PIEZO2: variants seen among roughly 807,000 people sequenced by gnomAD.
PIEZO2 encodes piezo-type mechanosensitive ion channel component 2.
A neutral mutation model predicts 337.3 loss-of-function variants in PIEZO2; 172 were observed. That is an observed-to-expected ratio of 0.51 (90% CI 0.45 to 0.58). The LOEUF (loss-of-function observed/expected upper bound fraction) is 0.58. Among genes scored for constraint, PIEZO2 ranks in the 20% least tolerant of loss-of-function variants. The probability of loss-of-function intolerance (pLI) is 0.00; values close to 1 mark genes in which losing one functional copy is unlikely to be tolerated. For missense variants in PIEZO2, 3,028 were observed against 3,391.3 expected, an observed-to-expected ratio of 0.89 and a Z score of 2.66; for synonymous variants, 1,251 against 1,228.5, an observed-to-expected ratio of 1.02 and a Z score of -0.38.
At chr18:10,679,589 TA>T (rs757047543) in intron 52 of PIEZO2, among the ~76,000 whole-genome samples, 8 of 152,252 alleles carry the variant, frequency 5.3e-5, no homozygotes, top group Non-Finnish European at 5.9e-5. Context: ...CCTTCATTTC[TA>T]GTGTTTATGT....
intron 2 of PIEZO2, among the ~76,000 whole-genome samples, chr18:11,041,966 C>T (rs555440208): frequency 6.6e-6 from 1 of 152,298 alleles, no homozygotes; most frequent in South Asian, 2.1e-4. Flanking sequence ...GTCTAGATGA[C>T]CATCTTCTCT....
chr18:10,881,429 T>C (rs1298071095), intron 4 of PIEZO2, among the ~76,000 whole-genome samples: 1 of 152,234 alleles, frequency 6.6e-6, no homozygotes, highest in Non-Finnish European at 1.5e-5. Context: ...CCTAACTCCC[T>C]GGCCTTGGCG....
chr18:11,093,148 A>G (rs1283185294), intron 1 of PIEZO2, among the ~76,000 whole-genome samples: 2 of 152,170 alleles, frequency 1.3e-5, no homozygotes, highest in South Asian at 2.1e-4. Context: ...TTAGCTAAAA[A>G]CAGTACCTTT....
In PIEZO2 at chr18:11,048,321, T is replaced by C. The variant is rs1248876387; in HGVS notation, c.160+17806A>G. 1.3e-5 allele frequency among the ~76,000 whole-genome samples: 2 copies of C among 152,200 alleles called. No homozygotes were observed. Among genetic ancestry groups the C allele is most frequent in the Non-Finnish European group, 2.9e-5 (2 of 68,026 alleles). On this transcript the variant is annotated intron_variant, in intron 2 of 55. Transcript: ENST00000674853. This position sits in a 1 kb window ranked among gnomAD's most constrained non-coding sequence, Gnocchi z 4.5. The stretch of plus-strand genomic sequence containing the variant: ...CCCACAAGATTGAAAAGACCTGTCT[T>C]ACGGTTACTCATGGCTCTGGGGCCA...
intron 2 of PIEZO2, among the ~76,000 whole-genome samples, chr18:10,987,215 A>T (rs145101912): frequency 3.9e-5 from 6 of 152,230 alleles, no homozygotes; most frequent in African/African-American, 1.4e-4. Context: ...TTATCTTAAC[A>T]TATGTATGGA....
Position 10,727,455 on chromosome 18 carries a change from T to C in PIEZO2, c.5029+3952A>G, listed in dbSNP as rs566930. ...ACTACCTGGGGTAGTAGAGACCCAG[T>C]TGGTCTGGGGTGTGCTTTCCAACAT... On this transcript the variant is annotated intron_variant, in intron 36 of 55. Transcript: ENST00000674853. This position sits in a 1 kb window ranked among gnomAD's most constrained non-coding sequence, Gnocchi z 6.3. The C allele has an allele frequency of 0.84, 127,429 of 152,472 alleles. 53,830 individuals carry two copies. Among genetic ancestry groups the C allele is most frequent in the African/African-American group, 0.96 (39,770 of 41,416 alleles). 9.4% of individuals were successfully genotyped at this position (152,472 alleles called of 1,614,324 possible). A position where few individuals can be genotyped will look rare whatever the true frequency, so the allele number is the denominator to read the frequency against.
rs2035578419 is a variant in PIEZO2 at position 10,706,187 on chromosome 18, C to T, written c.5589-441G>A. 2.6e-5 allele frequency among the ~76,000 whole-genome samples: 4 copies of T among 152,238 alleles called. No individual in the cohort carries two copies. In the South Asian group the frequency reaches 8.3e-4, roughly 32 times the overall value. On this transcript the variant is annotated intron_variant, in intron 40 of 55. Coordinates refer to ENST00000674853, the MANE Select transcript of PIEZO2 (RefSeq NM_001378183.1). ...TAAGTCTTAGCAAATAGGTATTCTA[C>T]CCTCCATCCTACACAACAGACCCAC...
intron 2 of PIEZO2, among the ~76,000 whole-genome samples, chr18:11,055,313 G>A (rs2037689801): frequency 6.6e-6 from 1 of 151,804 alleles, no homozygotes; most frequent in Non-Finnish European, 1.5e-5. Flanking sequence ...TAAAAGAGCT[G>A]AGTGGCAGGG....
intron 3 of PIEZO2, among the ~76,000 whole-genome samples, chr18:10,930,402 T>A (rs1442018894): frequency 6.6e-6 from 1 of 152,210 alleles, no homozygotes; most frequent in African/African-American, 2.4e-5. Context: ...CAATTGCCAA[T>A]CAGGAAATCT....
chr18:11,018,998 GA>G (rs2036219909), intron 2 of PIEZO2, among the ~76,000 whole-genome samples: 1 of 152,070 alleles, frequency 6.6e-6, no homozygotes, highest in Non-Finnish European at 1.5e-5. Flanking sequence ...CAAAATTCAG[GA>G]CGGAGCCTTG....
intron 1 of PIEZO2, among the ~76,000 whole-genome samples, chr18:11,121,161 AGAACTGCTT>A (rs1198280463): frequency 6.6e-6 from 1 of 152,204 alleles, no homozygotes; most frequent in Non-Finnish European, 1.5e-5. Flanking sequence ...GCTAGGCATG[AGAACTGCTT>A]GAATCCAGGA....
intron 2 of PIEZO2, among the ~76,000 whole-genome samples, chr18:10,985,746 T>C (rs554258778): frequency 6.6e-5 from 10 of 151,942 alleles, no homozygotes; most frequent in East Asian, 1.9e-4. Context: ...ACAAAAGATA[T>C]AAAGGAATCA....
chr18:10,959,212 T>C (rs968852756), intron 3 of PIEZO2, among the ~76,000 whole-genome samples: 4 of 152,208 alleles, frequency 2.6e-5, no homozygotes, highest in Non-Finnish European at 4.4e-5. Flanking sequence ...CATTTGTCTT[T>C]GTATTTGTCT....
rs961507015 is a variant in PIEZO2, at chr18:10,953,559, G to A, written c.286+25976C>T. Among the ~76,000 whole-genome samples the A allele has an allele frequency of 6.6e-6, 1 of 151,990 alleles. No individual in the cohort carries two copies. ...CAAGTGGCCGTGCACATACATGTGG[G>A]TCTATTTCTGTACTCTTTTTTTCCT... is the stretch of plus-strand genomic sequence containing the variant. On this transcript the variant is annotated intron_variant, in intron 3 of 55. Transcript: ENST00000674853. This position sits in a 1 kb window ranked among gnomAD's most constrained non-coding sequence, Gnocchi z 5.2.
In PIEZO2 at chr18:10,671,781, T is replaced by C; in HGVS notation, c.8346-2A>G. 6.3e-7 allele frequency: 1 copy of C among 1,593,172 alleles called. No individual in the cohort carries two copies. The highest frequency in any genetic ancestry group is 8.5e-7 in the Non-Finnish European group (1 of 1,169,758). ...ACTGAAGCATATAATCCCATAATAC[T>C]GAAAAAAACAGTAAGTAGAAATTGC... On this transcript the variant is annotated splice_acceptor_variant, in intron 55 of 55. Coordinates refer to ENST00000674853, the MANE Select transcript of PIEZO2 (RefSeq NM_001378183.1). LOFTEE classifies it high-confidence loss of function.
chr18:11,065,793 T>C (rs759732161), intron 2 of PIEZO2, among the ~76,000 whole-genome samples: 2 of 152,220 alleles, frequency 1.3e-5, no homozygotes, highest in African/African-American at 2.4e-5. Context: ...CAAATGTATG[T>C]ACCAATGTTG....
At position 11,110,699 on chromosome 18, in the gene PIEZO2, C is replaced by T. The variant is rs2039704293; in HGVS notation, c.64+37826G>A. Among the ~76,000 whole-genome samples, 3 of 152,054 alleles carry T rather than the reference C, an allele frequency of 2.0e-5. No individual in the cohort carries two copies. The highest frequency in any genetic ancestry group is 4.4e-5 in the Non-Finnish European group (3 of 67,992). Reference sequence around the variant, plus strand: ...CCTCGTCATCCTTTCCGCCCCTCCCCGCCCCGGCCCGCCCGCCCCGGGTCT... The same window carrying T: ...CCTCGTCATCCTTTCCGCCCCTCCCTGCCCCGGCCCGCCCGCCCCGGGTCT... On this transcript the variant is annotated intron_variant, in intron 1 of 55. Transcript: ENST00000674853. The surrounding 1 kb of genome is among the most constrained non-coding windows in gnomAD (Gnocchi z 4.2).
At chr18:10,793,418 T>C (rs1195342085) in intron 13 of PIEZO2, among the ~76,000 whole-genome samples, 2 of 152,188 alleles carry the variant, frequency 1.3e-5, no homozygotes, top group Admixed American at 1.3e-4. Flanking sequence ...AACTCTTTTT[T>C]TCCACGAGTA....
Position 10,988,045 on chromosome 18 carries a change from A to G in PIEZO2, c.161-8385T>C, listed in dbSNP as rs1168919778. ...CCCCAAAATTCATATGTTGAAACTT[A>G]ATTACCCAAGTGATAGTATTAAGAG... On this transcript the variant is annotated intron_variant, in intron 2 of 55. Transcript: ENST00000674853. The surrounding 1 kb of genome is among the most constrained non-coding windows in gnomAD (Gnocchi z 4.8). Among the ~76,000 whole-genome samples, 1 of 152,186 alleles carries G rather than the reference A, an allele frequency of 6.6e-6. No individual in the cohort carries two copies. The highest frequency in any genetic ancestry group is 1.5e-5 in the Non-Finnish European group (1 of 68,030).
Sources: allele counts gnomAD v4.1 joint callset (sites outside exome capture counted in the v4.1 genomes callset), GRCh38; gene constraint gnomAD v4.1.1; non-coding constraint Gnocchi (gnomAD v3.1); transcripts MANE v1.5; gene names NCBI Gene and HGNC (gene_info 2026-07-23, HGNC 2026-07-21).